The following FRMD4B variants were observed in gnomAD, a reference collection of about 807,000 sequenced individuals.
FRMD4B encodes FERM domain-containing protein 4B.
Under a neutral mutation model 141.5 loss-of-function variants are expected in FRMD4B, and 74 were observed. The ratio of observed to expected loss-of-function variants is 0.52; its 90% CI spans 0.43 to 0.63. FRMD4B has a LOEUF of 0.63. FRMD4B is among the 30% of genes least tolerant of loss of function. FRMD4B has a pLI of 0.00. For missense variants in FRMD4B, 1,366 were observed against 1,253.4 expected (o/e 1.09, Z -1.36); for synonymous variants, 506 against 467.9 (o/e 1.08, Z -1.05).
At chr3:69,343,159 G>A (rs921089051) in intron 1 of FRMD4B, among the ~76,000 whole-genome samples, 8 of 152,080 alleles carry the variant, frequency 5.3e-5, no homozygotes, top group Non-Finnish European at 7.4e-5. Flanking sequence ...TTGCTATGTT[G>A]TCCAGGCTGG....
Position 69,324,785 on chromosome 3 carries a change from C to T in FRMD4B, c.163-11268G>A, listed in dbSNP as rs180714427. 2.7e-3 allele frequency among the ~76,000 whole-genome samples: 415 copies of T among 152,170 alleles called. 1 individual carries two copies. Among genetic ancestry groups the T allele is most frequent in the Admixed American group, 6.2e-3 (94 of 15,282 alleles). On this transcript the variant is annotated intron_variant, in intron 1 of 22. Coordinates refer to ENST00000398540, the MANE Select transcript of FRMD4B (RefSeq NM_015123.3). ...CTCACTTCTCTTTACCCAGGAAGCA[C>T]GAGAAATGAGGAAATTGATGGAGAA...
intron 13 of FRMD4B, chr3:69,196,612 G>A: frequency 1.7e-6 from 1 of 580,434 alleles, no homozygotes; most frequent in South Asian, 2.2e-5. Flanking sequence ...CTCATGGTGT[G>A]GTTCAGTTAC....
At chr3:69,224,951 A>AT (rs2093236294) in intron 7 of FRMD4B, among the ~76,000 whole-genome samples, 1 of 152,114 alleles carries the variant, frequency 6.6e-6, no homozygotes, top group Non-Finnish European at 1.5e-5. Flanking sequence ...TTCACATTGT[A>AT]TTTTTACAGA....
At chr3:69,492,022 C>G (rs771038363) in intron 1 of FRMD4B, among the ~76,000 whole-genome samples, 2 of 152,198 alleles carry the variant, frequency 1.3e-5, no homozygotes, top group Non-Finnish European at 2.9e-5. Context: ...CGGCCAAGAG[C>G]AAGTTTAGTA....
In FRMD4B at chr3:69,267,529, C is replaced by A. The variant is rs75692835; in HGVS notation, c.502-17430G>T. On this transcript the variant is annotated intron_variant, in intron 5 of 22. Coordinates refer to ENST00000398540, the MANE Select transcript of FRMD4B (RefSeq NM_015123.3). ...CTTTAACTCACTACTGCACACCCAG[C>A]ACCTATATAGGCCTAGCACATAGAA... Among the ~76,000 whole-genome samples the A allele has an allele frequency of 7.0e-3, 1,057 of 150,816 alleles. 18 individuals are homozygous for A. Among genetic ancestry groups the A allele is most frequent in the African/African-American group, 0.025 (1,004 of 40,822 alleles).
rs946874944 is a variant in FRMD4B at position 69,475,318 on chromosome 3, T to G, written c.-128-42557A>C. 5.8e-4 allele frequency among the ~76,000 whole-genome samples: 88 copies of G among 152,158 alleles called. 1 individual carries two copies. The highest frequency in any genetic ancestry group is 3.4e-3 in the Middle Eastern group (1 of 294). ...TGTGCTGCACCCATTAACTCGTCAT[T>G]TAGCATTAGGTATATCTCCTAATGC... On this transcript the variant is annotated intron_variant, in intron 1 of 5. Coordinates refer to the FRMD4B transcript ENST00000459638.
intron 2 of FRMD4B, among the ~76,000 whole-genome samples, chr3:69,395,520 C>T (rs1268897051): frequency 6.6e-6 from 1 of 152,078 alleles, no homozygotes; most frequent in Admixed American, 6.6e-5. Context: ...ACTATTTTCC[C>T]ATTATTGCTA....
Position 69,423,941 on chromosome 3 carries a change from G to T in FRMD4B, c.-1+8693C>A, listed in dbSNP as rs575171206. Among the ~76,000 whole-genome samples the T allele has an allele frequency of 2.0e-5, 3 of 152,226 alleles. No homozygotes were observed. The South Asian group carries it at 6.2e-4, about 32-fold the overall frequency. On this transcript the variant is annotated intron_variant, in intron 2 of 5. Transcript: ENST00000459638. ...ATTTCTGTTGTTTATAAGCTACCCA[G>T]CTTATGGTATTTCGTAACAGCAGCC...
In FRMD4B at chr3:69,196,378, T is replaced by C. The variant is rs149242121; in HGVS notation, c.1111A>G (p.Arg371Gly). 1.9e-5 allele frequency: 31 copies of C among 1,610,340 alleles called. No homozygotes were observed. In the East Asian group the frequency reaches 4.0e-4, roughly 21 times the overall value. ...KQSKAKIPSA[R>G]SLDEIAMDLT... Reference sequence around the variant, plus strand: ...TCCATTGCAATCTCATCTAAACTCCTGGCTGAAGGAATTTTTGCCTAAGAG... The same window carrying C: ...TCCATTGCAATCTCATCTAAACTCCCGGCTGAAGGAATTTTTGCCTAAGAG... Residue 371 changes from arginine to glycine, a missense_variant, in exon 14 of 23, where the codon AGG becomes GGG. Physicochemically the swap from Arg to Gly is moderately radical, Grantham distance 125. Transcript: ENST00000398540.
chr3:69,170,180 C>T lies in FRMD4B; in HGVS notation c.*1681G>A, dbSNP rs1427899258. On this transcript the variant is annotated 3_prime_UTR_variant, in exon 23 of 23. Coordinates refer to ENST00000398540, the MANE Select transcript of FRMD4B (RefSeq NM_015123.3). ...TAATACTATAAATAAAAATCCGAAG[C>T]CTTGCCCAATATGATTACTTGAAGT... is the stretch of plus-strand genomic sequence containing the variant. The T allele has an allele frequency of 6.6e-6, 1 of 152,126 alleles. No homozygotes were observed. Among genetic ancestry groups the T allele is most frequent in the Non-Finnish European group, 1.5e-5 (1 of 68,024 alleles). The allele number at this position is 152,126 out of a possible 1,614,324, so 9.4% of individuals were successfully genotyped here. A position where few individuals can be genotyped will look rare whatever the true frequency, so the allele number is the denominator to read the frequency against.
intron 3 of FRMD4B, among the ~76,000 whole-genome samples, chr3:69,308,463 G>T (rs1393672027): frequency 3.3e-5 from 5 of 150,086 alleles, no homozygotes; most frequent in African/African-American, 4.9e-5. Flanking sequence ...TTTGGGACAG[G>T]ATCTCACTCT....
At chr3:69,279,498 T>G (rs1314796235) in intron 5 of FRMD4B, among the ~76,000 whole-genome samples, 1 of 152,172 alleles carries the variant, frequency 6.6e-6, no homozygotes, top group South Asian at 2.1e-4. Context: ...CTTGCTCTGT[T>G]GTCCAGGCTG....
chr3:69,536,092 C>T (rs922309584), intron 1 of FRMD4B: 2 of 459,764 alleles, frequency 4.4e-6, no homozygotes, highest in Admixed American at 6.9e-5. Flanking sequence ...TGTCCTTGCC[C>T]ACACTGCCTT....
chr3:69,302,720 G>A lies in FRMD4B; in HGVS notation c.324-285C>T, dbSNP rs572169221. ...ACTCACTGTAGCAACATTTGAAATA[G>A]CAAAAGGGGTGGAAATAACTTCGAT... On this transcript the variant is annotated intron_variant, in intron 3 of 22. Transcript: ENST00000398540. Among the ~76,000 whole-genome samples, 8 of 152,290 alleles carry A rather than the reference G, an allele frequency of 5.3e-5. No homozygotes were observed. In the South Asian group the frequency reaches 1.7e-3, roughly 32 times the overall value.
chr3:69,480,274 A>C (rs1706096507), intron 1 of FRMD4B, among the ~76,000 whole-genome samples: 1 of 152,120 alleles, frequency 6.6e-6, no homozygotes, highest in South Asian at 2.1e-4. Flanking sequence ...TTGGAGGAGG[A>C]GAGGCGCTCT....
intron 1 of FRMD4B, among the ~76,000 whole-genome samples, chr3:69,329,167 A>T (rs886886504): frequency 6.6e-6 from 1 of 152,162 alleles, no homozygotes; most frequent in Non-Finnish European, 1.5e-5. Flanking sequence ...CGTGATAAAG[A>T]TGAACAAACA....
At chr3:69,457,975 C>T (rs368610384) in intron 1 of FRMD4B, among the ~76,000 whole-genome samples, 3 of 152,310 alleles carry the variant, frequency 2.0e-5, no homozygotes, top group East Asian at 3.9e-4. Flanking sequence ...AAAGGAGCCC[C>T]TGGTGCCCAT....
At chr3:69,181,977 C>T (rs2092713086) in intron 20 of FRMD4B, among the ~76,000 whole-genome samples, 1 of 151,754 alleles carries the variant, frequency 6.6e-6, no homozygotes, top group African/African-American at 2.4e-5. Context: ...GGGAAAGACA[C>T]AGACTGAGGA....
intron 1 of FRMD4B, among the ~76,000 whole-genome samples, chr3:69,527,003 G>A (rs1700940097): frequency 1.3e-5 from 2 of 152,040 alleles, no homozygotes. Context: ...TTCCTACTGT[G>A]CTCTGCAGAT....
Sources: allele counts gnomAD v4.1 joint callset (sites outside exome capture counted in the v4.1 genomes callset), GRCh38; gene constraint gnomAD v4.1.1; transcripts MANE v1.5; gene names NCBI Gene and HGNC (gene_info 2026-07-23, HGNC 2026-07-21).